Variants in ENTPD3 observed in about 807,000 individuals in gnomAD.
The protein encoded by ENTPD3 is CD39 antigen-like 3.
ENTPD3 carries 60 observed loss-of-function variants against 51.2 expected under a neutral mutation model. That is an observed-to-expected ratio of 1.17 (90% CI 0.95 to 1.45). The LOEUF (loss-of-function observed/expected upper bound fraction) is 1.45. ENTPD3 is among the 40% of genes most tolerant of loss of function. The pLI, the probability that ENTPD3 is intolerant of heterozygous loss-of-function variation, is 0.00. For synonymous variants in ENTPD3, 221 were observed against 238.4 expected, an observed-to-expected ratio of 0.93 and a Z score of 0.67; for missense variants, 593 against 641.1, an observed-to-expected ratio of 0.93 and a Z score of 0.81.
At chr3:40,415,349 G>A (rs1260824308) in intron 6 of ENTPD3, among the ~76,000 whole-genome samples, 1 of 152,142 alleles carries the variant, frequency 6.6e-6, no homozygotes, top group African/African-American at 2.4e-5. Flanking sequence ...GTTACAGGGG[G>A]CACAAAACAG....
intron 3 of ENTPD3, chr3:40,394,224 A>G (rs1461152809): frequency 4.8e-6 from 1 of 208,348 alleles, no homozygotes; most frequent in East Asian, 1.7e-4. Flanking sequence ...AAGTGATTCT[A>G]CTGCCTCAGC....
intron 2 of ENTPD3, chr3:40,391,072 C>T (rs1211688485): frequency 1.3e-5 from 2 of 152,150 alleles, no homozygotes; most frequent in Admixed American, 1.3e-4. Flanking sequence ...AAGCAATTCT[C>T]CCACCTCAGT....
chr3:40,402,009 A>G lies in ENTPD3; in HGVS notation c.286+998A>G, dbSNP rs905194998. Among the ~76,000 whole-genome samples, 10 of 152,258 alleles carry G rather than the reference A, an allele frequency of 6.6e-5. No individual in the cohort carries two copies. In the Middle Eastern group the frequency reaches 0.01, roughly 155 times the overall value. The stretch of plus-strand genomic sequence containing the variant: ...ATTAAACATGTATTTATATAAATGG[A>G]ATCAACATATTTTATGCCGTATTTG... On this transcript the variant is annotated intron_variant, in intron 4 of 10. Coordinates refer to ENST00000301825, the MANE Select transcript of ENTPD3 (RefSeq NM_001248.4).
At chr3:40,410,330 A>C (rs1955598558) in intron 4 of ENTPD3, among the ~76,000 whole-genome samples, 1 of 151,928 alleles carries the variant, frequency 6.6e-6, no homozygotes. Context: ...AATCCCAGCT[A>C]CTTCGGAGGC....
intron 3 of ENTPD3, 39 bp from the exon 4 acceptor site, chr3:40,400,855 T>G: frequency 6.6e-7 from 1 of 1,523,734 alleles, no homozygotes; most frequent in Non-Finnish European, 9.1e-7. Context: ...CTCAGAGGAG[T>G]CCCGCCCATT....
intron 4 of ENTPD3, among the ~76,000 whole-genome samples, chr3:40,401,839 T>C (rs1209924082): frequency 1.3e-5 from 2 of 152,154 alleles, no homozygotes; most frequent in Non-Finnish European, 2.9e-5. Flanking sequence ...ACCCCTGAAA[T>C]GGAGTATTAT....
chr3:40,389,555 A>C (rs976613399), intron 2 of ENTPD3, among the ~76,000 whole-genome samples: 1 of 152,222 alleles, frequency 6.6e-6, no homozygotes, highest in African/African-American at 2.4e-5. Context: ...GTTTTCATAA[A>C]TATTGACAAG....
At chr3:40,411,765 G>T in intron 4 of ENTPD3, 47 bp from the exon 5 acceptor site, 1 of 1,525,330 alleles carries the variant, frequency 6.6e-7, no homozygotes, top group South Asian at 1.3e-5. Context: ...GTATCACTGC[G>T]ATTGGTTCCT....
At chr3:40,412,106 A>C (rs548155948) in intron 5 of ENTPD3, 144 bp downstream of exon 5, 5 of 799,398 alleles carry the variant, frequency 6.3e-6, no homozygotes, top group Non-Finnish European at 8.9e-6. Context: ...TTTGGGCTTT[A>C]AAGGTTGGGA....
At chr3:40,419,098 T>C (rs553622132) in intron 7 of ENTPD3, among the ~76,000 whole-genome samples, 75 of 152,224 alleles carry the variant, frequency 4.9e-4, no homozygotes, top group Admixed American at 4.8e-3. Flanking sequence ...TTATTTTCTT[T>C]ACTATTTACT....
At chr3:40,401,344 T>G (rs538722504) in intron 4 of ENTPD3, among the ~76,000 whole-genome samples, 1 of 152,316 alleles carries the variant, frequency 6.6e-6, no homozygotes, top group South Asian at 2.1e-4. Flanking sequence ...AAGGACAATT[T>G]GTTACTCACA....
chr3:40,391,154 T>G (rs112619360), intron 2 of ENTPD3: 52,748 of 151,242 alleles, frequency 0.35, 9,341 homozygotes, highest in East Asian at 0.5. Context: ...GGTAGAGACA[T>G]GGTTTCACCA....
intron 4 of ENTPD3, among the ~76,000 whole-genome samples, chr3:40,406,916 C>A (rs1955515134): frequency 6.6e-6 from 1 of 152,106 alleles, no homozygotes; most frequent in Non-Finnish European, 1.5e-5. Context: ...GGTTAAGAAA[C>A]CTTGGTTTAC....
At chr3:40,397,038 T>C (rs1467897707) in intron 3 of ENTPD3, among the ~76,000 whole-genome samples, 2 of 151,778 alleles carry the variant, frequency 1.3e-5, no homozygotes, top group African/African-American at 4.8e-5. Context: ...TCATTGAGCC[T>C]TGCTCATCAG....
At chr3:40,426,236 G>A (rs965660898) in intron 10 of ENTPD3, among the ~76,000 whole-genome samples, 7 of 151,062 alleles carry the variant, frequency 4.6e-5, no homozygotes, top group Admixed American at 1.3e-4. Flanking sequence ...AGCCTCCTGA[G>A]TAGCTGGGAT....
intron 7 of ENTPD3, 29 bp downstream of exon 7, chr3:40,416,102 G>T (rs1017820309): frequency 1.9e-6 from 3 of 1,567,224 alleles, no homozygotes; most frequent in Non-Finnish European, 2.6e-6. Flanking sequence ...GGGGGTGGCA[G>T]GTGTTCTCTT....
chr3:40,401,288 T>G (rs74708480), intron 4 of ENTPD3, among the ~76,000 whole-genome samples: 6,806 of 152,254 alleles, frequency 0.045, 455 homozygotes, highest in African/African-American at 0.15. Flanking sequence ...TACCCTGCCA[T>G]ATTTTCATGG....
intron 3 of ENTPD3, among the ~76,000 whole-genome samples, chr3:40,399,009 C>T (rs961785271): frequency 2.0e-5 from 3 of 151,962 alleles, no homozygotes; most frequent in African/African-American, 7.3e-5. Flanking sequence ...ATCACTTGAG[C>T]CCAGGAGTTC....
intron 5 of ENTPD3, among the ~76,000 whole-genome samples, chr3:40,414,240 C>T (rs1468888029): frequency 6.6e-6 from 1 of 152,128 alleles, no homozygotes; most frequent in Non-Finnish European, 1.5e-5. Context: ...TCTTCCTTTC[C>T]CCCTTCCTAC....
Sources: gnomAD v4.1 joint callset for allele counts (sites outside exome capture counted in the v4.1 genomes callset) on GRCh38, gnomAD v4.1.1 for gene constraint, MANE v1.5 for transcripts, NCBI Gene and HGNC (gene_info 2026-07-23, HGNC 2026-07-21) for gene names.